Variants in FCER1G observed in about 807,000 individuals in gnomAD.
FCER1G encodes the protein Fc epsilon receptor Ig.
In FCER1G, 7 loss-of-function variants were observed where a neutral mutation model predicts 17.3. The ratio of observed to expected loss-of-function variants is 0.40; its 90% CI spans 0.23 to 0.76. The LOEUF is 0.76. FCER1G is among the 30% of genes least tolerant of loss of function. The pLI, the probability that FCER1G is intolerant of heterozygous loss-of-function variation, is 0.35. For synonymous variants in FCER1G, 35 were observed against 38.7 expected (o/e 0.90, Z 0.35); for missense variants, 87 against 97.7 (o/e 0.89, Z 0.46).
At position 161,219,042 on chromosome 1, in the gene FCER1G, C is replaced by G. The variant is rs1176040469; in HGVS notation, c.*99C>G. 2.3e-6 allele frequency: 2 copies of G among 853,986 alleles called. No individual in the cohort carries two copies. Among genetic ancestry groups the G allele is most frequent in the Non-Finnish European group, 4.0e-6 (2 of 501,692 alleles). The allele number at this position is 853,986 out of a possible 1,614,324, so 52.9% of individuals were successfully genotyped here. ...CCTGCATGCCATTAACACCAGCTGGCCCTACCCCTATAATGATCCTGTGTC... is the reference window on the plus strand; with the variant it reads ...CCTGCATGCCATTAACACCAGCTGGGCCTACCCCTATAATGATCCTGTGTC... On this transcript the variant is annotated 3_prime_UTR_variant, in exon 5 of 5. Transcript: ENST00000289902.
intron 2 of FCER1G, 40 bp downstream of exon 2, chr1:161,218,117 G>T: frequency 6.4e-7 from 1 of 1,551,132 alleles, no homozygotes; most frequent in Non-Finnish European, 8.9e-7. Context: ...GGAAGGGGAA[G>T]TGGGAGGAGG....
In FCER1G at chr1:161,215,389, G is replaced by A. The variant is rs201271754; in HGVS notation, c.49+19G>A. The A allele has an allele frequency of 1.9e-6, 3 of 1,610,876 alleles. No homozygotes were observed. The highest frequency in any genetic ancestry group is 2.5e-6 in the Non-Finnish European group (3 of 1,177,466). ...CAAGCAGGTAAGAGGGTTTGGTGAGGGATAGCGTGAGCTGGCTCCAGGGTG... is the reference window on the plus strand; with the variant it reads ...CAAGCAGGTAAGAGGGTTTGGTGAGAGATAGCGTGAGCTGGCTCCAGGGTG... On this transcript the variant is annotated intron_variant, in intron 1 of 4. Transcript: ENST00000289902.
chr1:161,217,926 C>T (rs761722331), intron 1 of FCER1G, 60 bp from the exon 2 acceptor site: 15 of 1,165,370 alleles, frequency 1.3e-5, no homozygotes, highest in South Asian at 3.7e-5. Context: ...CCCTTCTCTC[C>T]TCTGAGTACC....
At chr1:161,216,411 C>CACACACAT (rs1491150470) in intron 1 of FCER1G, among the ~76,000 whole-genome samples, 26 of 129,810 alleles carry the variant, frequency 2.0e-4, no homozygotes, top group Non-Finnish European at 2.8e-4. Flanking sequence ...CACACACACA[C>CACACACAT]ATATATATAT....
chr1:161,218,937 A>G lies in FCER1G; in HGVS notation c.255A>G (p.Pro85=), dbSNP rs747165089. The G allele has an allele frequency of 2.4e-5, 38 of 1,612,592 alleles. 1 individual carries two copies. The East Asian group carries it at 8.5e-4, about 36-fold the overall frequency. ...TYETLKHEKP[P]Q ...AGACTCTGAAGCATGAGAAACCACC[A>G]CAGTAGCTTTAGAATAGATGCGGTC... Residue 85 remains proline, a synonymous_variant, in exon 5 of 5, where the codon CCA becomes CCG. Transcript: ENST00000289902.
At chr1:161,218,379 G>T in intron 3 of FCER1G, 103 bp downstream of exon 3, 1 of 964,212 alleles carries the variant, frequency 1.0e-6, no homozygotes, top group Admixed American at 1.7e-5. Flanking sequence ...TGCCTCTCAG[G>T]TGCTGATCTG....
Position 161,219,160 on chromosome 1 carries a change from T to G in FCER1G, c.*217T>G. On this transcript the variant is annotated 3_prime_UTR_variant, in exon 5 of 5. Transcript: ENST00000289902. ...TATTTATATTCTAGTCTCACTCTCT[T>G]GTCCCACCCTTCTTCTCTTCCCCAT... The G allele has an allele frequency of 1.8e-6, 1 of 565,528 alleles. No individual in the cohort carries two copies. The highest frequency in any genetic ancestry group is 3.1e-6 in the Non-Finnish European group (1 of 318,712). The allele number at this position is 565,528 out of a possible 1,614,324, so 35.0% of individuals were successfully genotyped here.
At chr1:161,216,338 A>G (rs1263565642) in intron 1 of FCER1G, among the ~76,000 whole-genome samples, 1 of 151,094 alleles carries the variant, frequency 6.6e-6, no homozygotes, top group Non-Finnish European at 1.5e-5. Flanking sequence ...TTTTACATAT[A>G]TATCTCTATC....
chr1:161,218,944 C>T lies in FCER1G; in HGVS notation c.*1C>T. 6.2e-7 allele frequency: 1 copy of T among 1,611,324 alleles called. No individual in the cohort carries two copies. Among genetic ancestry groups the T allele is most frequent in the Non-Finnish European group, 8.5e-7 (1 of 1,177,468 alleles). On this transcript the variant is annotated 3_prime_UTR_variant, in exon 5 of 5. Transcript: ENST00000289902. ...GAAGCATGAGAAACCACCACAGTAG[C>T]TTTAGAATAGATGCGGTCATATTCT...
rs771374400 is a variant in FCER1G, at chr1:161,215,320, A to G, written c.-2A>G. On this transcript the variant is annotated 5_prime_UTR_variant, in exon 1 of 5. Coordinates refer to ENST00000289902, the MANE Select transcript of FCER1G (RefSeq NM_004106.2). ...GTCAGAACGGCCGATCTCCAGCCCA[A>G]GATGATTCCAGCAGTGGTCTTGCTC... The G allele has an allele frequency of 5.3e-5, 86 of 1,613,690 alleles. 2 individuals are homozygous for G. In the South Asian group the frequency reaches 8.5e-4, roughly 16 times the overall value.
intron 2 of FCER1G, 21 bp downstream of exon 2, chr1:161,218,098 G>A (rs1349543454): frequency 1.3e-6 from 2 of 1,592,386 alleles, no homozygotes; most frequent in East Asian, 2.2e-5. Flanking sequence ...GCAGGGTGGG[G>A]TAAGGGCTGG....
chr1:161,219,145 C>G lies in FCER1G; in HGVS notation c.*202C>G. ...GATGCTGTTTACGGATATTTATATTCTAGTCTCACTCTCTTGTCCCACCCT... is the reference window on the plus strand; with the variant it reads ...GATGCTGTTTACGGATATTTATATTGTAGTCTCACTCTCTTGTCCCACCCT... On this transcript the variant is annotated 3_prime_UTR_variant, in exon 5 of 5. Transcript: ENST00000289902. 1.7e-6 allele frequency: 1 copy of G among 584,476 alleles called. No individual in the cohort carries two copies. Among genetic ancestry groups the G allele is most frequent in the Non-Finnish European group, 3.0e-6 (1 of 328,024 alleles). 36.2% of individuals were successfully genotyped at this position (584,476 alleles called of 1,614,324 possible). A position where few individuals can be genotyped will look rare whatever the true frequency, so the allele number is the denominator to read the frequency against.
Position 161,218,083 on chromosome 1 carries a change from G to T in FCER1G, c.141+6G>T, listed in dbSNP as rs1477148856. 1.9e-5 allele frequency: 30 copies of T among 1,608,622 alleles called. No homozygotes were observed. The highest frequency in any genetic ancestry group is 3.3e-5 in the Admixed American group (2 of 59,984). On this transcript the variant is annotated splice_donor_region_variant and intron_variant, in intron 2 of 4. Coordinates refer to ENST00000289902, the MANE Select transcript of FCER1G (RefSeq NM_004106.2). ...TCCTCTACTGTCGACTGAAGGTAGC[G>T]CTGGGCAGGGTGGGGTAAGGGCTGG...
intron 1 of FCER1G, among the ~76,000 whole-genome samples, chr1:161,217,020 G>A (rs932819845): frequency 5.9e-5 from 9 of 152,168 alleles, no homozygotes; most frequent in African/African-American, 1.9e-4. Flanking sequence ...TAGCTTTTCC[G>A]AGCCTTGGTT....
rs945611676 is a variant in FCER1G at position 161,217,051 on chromosome 1, A to G, written c.50-935A>G. On this transcript the variant is annotated intron_variant, in intron 1 of 4. Coordinates refer to ENST00000289902, the MANE Select transcript of FCER1G (RefSeq NM_004106.2). Reference sequence around the variant, plus strand: ...TGGTTTCGTCACCCATAAAATGGCGATGATGATGTTTCCCTCACAGGGTAG... The same window carrying G: ...TGGTTTCGTCACCCATAAAATGGCGGTGATGATGTTTCCCTCACAGGGTAG... Among the ~76,000 whole-genome samples, 3 of 152,316 alleles carry G rather than the reference A, an allele frequency of 2.0e-5. No individual in the cohort carries two copies. In the South Asian group the frequency reaches 6.2e-4, roughly 32 times the overall value.
chr1:161,217,891 C>T, intron 1 of FCER1G, 95 bp from the exon 2 acceptor site: 1 of 841,802 alleles, frequency 1.2e-6, no homozygotes, highest in Non-Finnish European at 2.0e-6. Context: ...CCCTCCAGGC[C>T]CTGTCCTACC....
At chr1:161,218,600 G>A in intron 3 of FCER1G, 103 bp from the exon 4 acceptor site, 1 of 1,213,512 alleles carries the variant, frequency 8.2e-7, no homozygotes, top group Middle Eastern at 2.2e-4. Context: ...CTAGCCCAAG[G>A]TGGCTGGCTG....
intron 3 of FCER1G, 66 bp downstream of exon 3, chr1:161,218,342 C>T: frequency 5.6e-6 from 8 of 1,433,364 alleles, no homozygotes; most frequent in Non-Finnish European, 6.9e-6. Flanking sequence ...GGGCTCTAGC[C>T]TGGGTTTCCG....
intron 1 of FCER1G, among the ~76,000 whole-genome samples, chr1:161,216,369 CACACACAT>C (rs1165667361): frequency 2.9e-5 from 4 of 136,594 alleles, no homozygotes; most frequent in African/African-American, 8.8e-5. Context: ...TATACACACA[CACACACAT>C]ACACACACAC....
Sources: gnomAD v4.1 joint callset for allele counts (sites outside exome capture counted in the v4.1 genomes callset) on GRCh38, gnomAD v4.1.1 for gene constraint, MANE v1.5 for transcripts, NCBI Gene and HGNC (gene_info 2026-07-23, HGNC 2026-07-21) for gene names.